RSRC1: variants seen among roughly 807,000 people sequenced by gnomAD.
RSRC1 encodes the protein serine/Arginine-related protein 53.
RSRC1 carries 39 observed loss-of-function variants against 49.1 expected under a neutral mutation model. The ratio of observed to expected loss-of-function variants is 0.79; its 90% CI spans 0.61 to 1.04. The LOEUF (loss-of-function observed/expected upper bound fraction) is 1.04. Ranked by LOEUF, RSRC1 falls within the 50% of genes least tolerant of loss-of-function variation. The pLI, the probability that RSRC1 is intolerant of heterozygous loss-of-function variation, is 0.00. For synonymous variants in RSRC1, 143 were observed against 130.8 expected, an observed-to-expected ratio of 1.09 and a Z score of -0.63; for missense variants, 388 against 402.4, an observed-to-expected ratio of 0.96 and a Z score of 0.31.
At position 158,376,414 on chromosome 3, in the gene RSRC1, G is replaced by A. The variant is rs1158368165; in HGVS notation, c.583+21506G>A. 3.3e-5 allele frequency among the ~76,000 whole-genome samples: 5 copies of A among 151,664 alleles called. 1 individual carries two copies. In the South Asian group the frequency reaches 8.4e-4, roughly 25 times the overall value. ...AGACCTCAGGTTATCTGCCTGCCTC[G>A]GCCTCCCAAAGTGCTGGGATTACAG... On this transcript the variant is annotated intron_variant, in intron 6 of 9. Transcript: ENST00000611884.
chr3:158,411,377 T>C (rs983830654), intron 6 of RSRC1, among the ~76,000 whole-genome samples: 3 of 152,162 alleles, frequency 2.0e-5, no homozygotes, highest in Non-Finnish European at 4.4e-5. Context: ...ATGTCAAATT[T>C]TTCCAAAGTG....
At position 158,462,422 on chromosome 3, in the gene RSRC1, G is replaced by T. The variant is rs765981421; in HGVS notation, c.652+1419G>T. ...GGCCCTTATAAAACTCTGTGGTACC[G>T]TAAATCACGTGTATAGTACTTATGA... is the stretch of plus-strand genomic sequence containing the variant. On this transcript the variant is annotated intron_variant, in intron 7 of 9. Transcript: ENST00000611884. Among the ~76,000 whole-genome samples the T allele has an allele frequency of 2.0e-5, 3 of 151,826 alleles. No individual in the cohort carries two copies. The South Asian group carries it at 6.2e-4, about 31-fold the overall frequency.
chr3:158,497,069 A>T (rs1278729839), intron 7 of RSRC1: 1 of 152,210 alleles, frequency 6.6e-6, no homozygotes, highest in African/African-American at 2.4e-5. Flanking sequence ...AATAATACAT[A>T]AGAAATCTTA....
intron 3 of RSRC1, among the ~76,000 whole-genome samples, chr3:158,179,105 C>A (rs1302368776): frequency 6.6e-6 from 1 of 152,018 alleles, no homozygotes; most frequent in East Asian, 1.9e-4. Context: ...ATTTCCATTT[C>A]TTATGCATCT....
chr3:158,386,177 T>C (rs997615109), intron 6 of RSRC1, among the ~76,000 whole-genome samples: 1 of 152,058 alleles, frequency 6.6e-6, no homozygotes, highest in East Asian at 1.9e-4. Context: ...AAAAAAGGCA[T>C]TTTTTAAAAA....
chr3:158,429,679 A>G (rs1735666589), intron 6 of RSRC1, among the ~76,000 whole-genome samples: 1 of 151,354 alleles, frequency 6.6e-6, no homozygotes, highest in African/African-American at 2.4e-5. Flanking sequence ...AAATAAATAC[A>G]ATAGAATAGT....
chr3:158,203,494 A>G (rs1721188703), intron 4 of RSRC1, among the ~76,000 whole-genome samples: 2 of 152,212 alleles, frequency 1.3e-5, no homozygotes, highest in African/African-American at 4.8e-5. Context: ...TGGAATCAAT[A>G]TAAACAGCAA....
At chr3:158,415,014 A>ATGG (rs1162655927) in intron 6 of RSRC1, among the ~76,000 whole-genome samples, 1 of 152,122 alleles carries the variant, frequency 6.6e-6, no homozygotes, top group Non-Finnish European at 1.5e-5. Context: ...AGGACTAGAA[A>ATGG]TGGATCTTCT....
rs1001467869 is a variant in RSRC1, at chr3:158,544,527, T to A, written c.*252T>A. The A allele has an allele frequency of 3.1e-4, 78 of 254,384 alleles. No homozygotes were observed. The highest frequency in any genetic ancestry group is 2.6e-4 in the Non-Finnish European group (35 of 135,836). The allele number at this position is 254,384 out of a possible 1,614,324, so 15.8% of individuals were successfully genotyped here. A position where few individuals can be genotyped will look rare whatever the true frequency, so the allele number is the denominator to read the frequency against. ...GTTAATAAAGCTAAACATAAATAAG[T>A]CTGTTAAAATGAATGGTAGACACTA... On this transcript the variant is annotated 3_prime_UTR_variant, in exon 10 of 10. Coordinates refer to ENST00000611884, the MANE Select transcript of RSRC1 (RefSeq NM_001271838.2).
intron 5 of RSRC1, among the ~76,000 whole-genome samples, chr3:158,342,000 C>T (rs1730273044): frequency 6.6e-6 from 1 of 152,274 alleles, no homozygotes; most frequent in Admixed American, 6.5e-5. Context: ...TTTCTTTTGG[C>T]CAGTTGTCTC....
chr3:158,278,107 A>C (rs1177020762), intron 4 of RSRC1, among the ~76,000 whole-genome samples: 1 of 152,216 alleles, frequency 6.6e-6, no homozygotes, highest in African/African-American at 2.4e-5. Context: ...AACTGCTGCC[A>C]TGTGTTGGAA....
At chr3:158,199,759 C>G (rs1217899671) in intron 3 of RSRC1, among the ~76,000 whole-genome samples, 1 of 152,060 alleles carries the variant, frequency 6.6e-6, no homozygotes, top group Non-Finnish European at 1.5e-5. Flanking sequence ...TTTGTGCTTT[C>G]TTACTTTACT....
intron 5 of RSRC1, among the ~76,000 whole-genome samples, chr3:158,304,855 T>A (rs745701384): frequency 5.3e-5 from 8 of 152,164 alleles, no homozygotes; most frequent in Non-Finnish European, 8.8e-5. Flanking sequence ...CATAAATCTT[T>A]CTCTTTCCTT....
At chr3:158,142,904 C>G (rs1716840168) in intron 3 of RSRC1, among the ~76,000 whole-genome samples, 1 of 152,154 alleles carries the variant, frequency 6.6e-6, no homozygotes, top group Non-Finnish European at 1.5e-5. Flanking sequence ...GCGATCAAGT[C>G]TTACTAATTT....
intron 5 of RSRC1, 25 bp downstream of exon 5, chr3:158,298,100 A>G: frequency 1.9e-6 from 3 of 1,554,136 alleles, no homozygotes; most frequent in Non-Finnish European, 2.7e-6. Flanking sequence ...TCTCTTGAAC[A>G]TTTGCATCAT....
In RSRC1 at chr3:158,185,184, G is replaced by A. The variant is rs190395766; in HGVS notation, c.321-17888G>A. Among the ~76,000 whole-genome samples, 953 of 151,948 alleles carry A rather than the reference G, an allele frequency of 6.3e-3. 9 individuals carry two copies. The highest frequency in any genetic ancestry group is 8.0e-3 in the Non-Finnish European group (541 of 67,850). ...TTAATAATTTAAATTTGTGCATATG[G>A]ATTTTACTATTTAAGGAAATTTTGA... On this transcript the variant is annotated intron_variant, in intron 3 of 9. Transcript: ENST00000611884.
intron 3 of RSRC1, among the ~76,000 whole-genome samples, chr3:158,195,630 G>T (rs1032155420): frequency 1.3e-5 from 2 of 152,032 alleles, no homozygotes; most frequent in African/African-American, 4.8e-5. Context: ...TATGGTTTTA[G>T]GTCTAAGATT....
intron 5 of RSRC1, among the ~76,000 whole-genome samples, chr3:158,329,732 GC>G (rs1729423793): frequency 6.6e-6 from 1 of 152,186 alleles, no homozygotes; most frequent in African/African-American, 2.4e-5. Flanking sequence ...CAAACTCCGT[GC>G]TGAGAGAACC....
chr3:158,500,139 T>C (rs1003679168), intron 7 of RSRC1, among the ~76,000 whole-genome samples: 1 of 152,332 alleles, frequency 6.6e-6, no homozygotes, highest in East Asian at 1.9e-4. Context: ...ATTTTTGTTT[T>C]TAATTATGCT....
Sources: allele counts gnomAD v4.1 joint callset (sites outside exome capture counted in the v4.1 genomes callset), GRCh38; gene constraint gnomAD v4.1.1; transcripts MANE v1.5; gene names NCBI Gene and HGNC (gene_info 2026-07-23, HGNC 2026-07-21).